The following RUNX1T1 variants were observed in gnomAD, a reference collection of about 807,000 sequenced individuals.
RUNX1T1 encodes the protein protein CBFA2T1.
In RUNX1T1, 4 loss-of-function variants were observed where a neutral mutation model predicts 62.8. The ratio of observed to expected loss-of-function variants is 0.06; its 90% confidence interval spans 0.03 to 0.15. The LOEUF (loss-of-function observed/expected upper bound fraction) is 0.15, where lower values mean the gene tolerates loss of function less well. Ranked by LOEUF, RUNX1T1 falls within the 10% of genes least tolerant of loss-of-function variation. The pLI is 1.00. For synonymous variants in RUNX1T1, 291 were observed against 286.0 expected, an observed-to-expected ratio of 1.02 and a Z score of -0.18; for missense variants, 508 against 754.3, an observed-to-expected ratio of 0.67 and a Z score of 3.82.
At chr8:92,067,354 T>C (rs868691736), upstream of RUNX1T1, among the ~76,000 whole-genome samples, 1 of 152,142 alleles carries the variant, frequency 6.6e-6, no homozygotes, top group Admixed American at 6.5e-5. Context: ...CCAGGGCAAG[T>C]GGCAGGCTGA....
At chr8:92,095,706 T>G in intron 1 of RUNX1T1, 2 of 660,834 alleles carry the variant, frequency 3.0e-6, no homozygotes, top group African/African-American at 1.9e-5. Context: ...GGGCGGGGGC[T>G]CAGACCCCAG....
chr8:92,003,229 C>G (rs530145320), intron 5 of RUNX1T1: 2 of 400,054 alleles, frequency 5.0e-6, no homozygotes, highest in Middle Eastern at 3.5e-4. Context: ...AGCATCAAAA[C>G]AAGAATGCTG....
intron 1 of RUNX1T1, among the ~76,000 whole-genome samples, chr8:92,027,588 A>T (rs1046856261): frequency 6.6e-6 from 1 of 152,182 alleles, no homozygotes; most frequent in Non-Finnish European, 1.5e-5. Flanking sequence ...AGCTCTGAAG[A>T]AGTGCCGGCA....
intron 1 of RUNX1T1, among the ~76,000 whole-genome samples, chr8:92,018,066 C>T (rs1823359799): frequency 6.6e-6 from 1 of 152,106 alleles, no homozygotes; most frequent in Admixed American, 6.5e-5. Flanking sequence ...ATGTAAAAGT[C>T]CCAAACAGAG....
At chr8:91,981,404 CTTTTTTT>C (rs67366711) in intron 8 of RUNX1T1, among the ~76,000 whole-genome samples, 2 of 63,878 alleles carry the variant, frequency 3.1e-5, no homozygotes, top group South Asian at 1.2e-3. Context: ...AGTTACTAAG[CTTTTTTT>C]TTTTTTTTTT....
intron 1 of RUNX1T1, among the ~76,000 whole-genome samples, chr8:92,088,669 G>A (rs1214591296): frequency 1.3e-5 from 2 of 152,126 alleles, no homozygotes; most frequent in East Asian, 3.9e-4. Flanking sequence ...AAGTCTAGTG[G>A]AAGAGTCCTC....
intron 1 of RUNX1T1, chr8:92,095,517 G>A (rs1382497616): frequency 1.3e-6 from 2 of 1,501,888 alleles, no homozygotes; most frequent in Non-Finnish European, 1.8e-6. Flanking sequence ...AGAAGCCAAC[G>A]TGCATCAGGG....
chr8:92,051,083 T>C (rs1277660317), intron 1 of RUNX1T1, among the ~76,000 whole-genome samples: 1 of 152,132 alleles, frequency 6.6e-6, no homozygotes, highest in Admixed American at 6.6e-5. Context: ...ATTGTACTTA[T>C]CCCTATCTGA....
At chr8:91,988,206 C>A (rs2130845326) in intron 6 of RUNX1T1, among the ~76,000 whole-genome samples, 1 of 152,162 alleles carries the variant, frequency 6.6e-6, no homozygotes, top group Admixed American at 6.5e-5. Context: ...AAAACGATTT[C>A]ATTTACAACT....
intron 1 of RUNX1T1, among the ~76,000 whole-genome samples, chr8:92,050,505 A>T (rs539467087): frequency 6.6e-6 from 1 of 152,318 alleles, no homozygotes; most frequent in East Asian, 1.9e-4. Flanking sequence ...TTTAATTTTC[A>T]CAATAATGCC....
At chr8:91,993,758 G>A (rs780089367) in intron 5 of RUNX1T1, among the ~76,000 whole-genome samples, 6 of 152,104 alleles carry the variant, frequency 3.9e-5, no homozygotes, top group East Asian at 1.9e-4. Context: ...TTGCGAGGCC[G>A]AGGCGGGAGG....
At chr8:92,008,396 A>ACG (rs1254484462) in intron 4 of RUNX1T1, among the ~76,000 whole-genome samples, 3 of 145,400 alleles carry the variant, frequency 2.1e-5, no homozygotes, top group Non-Finnish European at 3.0e-5. Context: ...TCTCACACAC[A>ACG]CACACACACA....
chr8:92,037,005 T>C (rs1827545782), intron 1 of RUNX1T1, among the ~76,000 whole-genome samples: 1 of 152,188 alleles, frequency 6.6e-6, no homozygotes, highest in Non-Finnish European at 1.5e-5. Context: ...GTTCCAATAG[T>C]CATTTCAACT....
At chr8:92,041,763 CA>C (rs1179339847) in intron 1 of RUNX1T1, among the ~76,000 whole-genome samples, 3 of 150,830 alleles carry the variant, frequency 2.0e-5, no homozygotes, top group Non-Finnish European at 3.0e-5. Context: ...CAAAACAAAA[CA>C]AAAACCTTTG....
upstream of RUNX1T1, chr8:92,063,030 C>T: frequency 1.1e-6 from 1 of 942,908 alleles, no homozygotes; most frequent in Non-Finnish European, 1.3e-6. Context: ...AGACCTGGCC[C>T]CCTACCACCC....
At chr8:92,002,470 G>T (rs1819951262) in intron 5 of RUNX1T1, among the ~76,000 whole-genome samples, 2 of 152,084 alleles carry the variant, frequency 1.3e-5, no homozygotes, top group South Asian at 2.1e-4. Flanking sequence ...AGTTAAATTT[G>T]CCAAAACCCA....
chr8:92,003,526 T>G (rs1212987762), intron 5 of RUNX1T1: 2 of 388,924 alleles, frequency 5.1e-6, no homozygotes, highest in Non-Finnish European at 1.0e-5. Flanking sequence ...TCTAAATCTT[T>G]CCCTGTTACA....
intron 1 of RUNX1T1, among the ~76,000 whole-genome samples, chr8:92,031,903 C>A (rs922824123): frequency 1.6e-4 from 24 of 151,668 alleles, no homozygotes; most frequent in Admixed American, 1.3e-3. Context: ...AACAGCCTGG[C>A]CAACCTGGTG....
intron 9 of RUNX1T1, among the ~76,000 whole-genome samples, chr8:91,973,978 A>C (rs1813382483): frequency 6.6e-6 from 1 of 152,164 alleles, no homozygotes; most frequent in South Asian, 2.1e-4. Flanking sequence ...TGTAGATGAT[A>C]GACACTGTAA....
Sources: allele counts gnomAD v4.1 joint callset (sites outside exome capture counted in the v4.1 genomes callset), GRCh38; gene constraint gnomAD v4.1.1; transcripts MANE v1.5; gene names NCBI Gene and HGNC (gene_info 2026-07-23, HGNC 2026-07-21).